The following CD300A variants were observed in gnomAD, a reference collection of about 807,000 sequenced individuals.
The protein encoded by CD300A is CD300a molecule.
CD300A carries 22 observed loss-of-function variants against 33.6 expected under a neutral mutation model. The ratio of observed to expected loss-of-function variants is 0.66; its 90% CI spans 0.47 to 0.94. CD300A has a LOEUF of 0.94. Among genes scored for constraint, CD300A ranks in the 40% least tolerant of loss-of-function variants. The pLI is 0.00. For missense variants in CD300A, 326 were observed against 360.5 expected (o/e 0.90, Z 0.77); for synonymous variants, 136 against 148.1 (o/e 0.92, Z 0.59).
At chr17:74,466,555 C>G, upstream of CD300A, 1 of 887,710 alleles carries the variant, frequency 1.1e-6, no homozygotes, top group East Asian at 2.7e-5. Context: ...TTCTGACCGG[C>G]TCCAGGAATA....
intron 5 of CD300A, 59 bp downstream of exon 5, chr17:74,481,385 T>C (rs1906835100): frequency 1.3e-6 from 2 of 1,524,310 alleles, no homozygotes; most frequent in African/African-American, 2.7e-5. Context: ...CAGAGGCTGC[T>C]GGGGAGTTGG....
intron 2 of CD300A, among the ~76,000 whole-genome samples, chr17:74,474,150 G>A (rs1360918428): frequency 6.6e-6 from 1 of 150,964 alleles, no homozygotes; most frequent in Non-Finnish European, 1.5e-5. Flanking sequence ...CAACGGAAGT[G>A]CAGCTGAGTG....
chr17:74,474,583 T>G lies in CD300A; in HGVS notation c.431T>G (p.Ile144Ser). 1.2e-6 allele frequency: 2 copies of G among 1,614,098 alleles called. No individual in the cohort carries two copies. Among genetic ancestry groups the G allele is most frequent in the Admixed American group, 3.3e-5 (2 of 60,018 alleles). Residue 144 changes from isoleucine (I) to serine (S), a missense_variant, in exon 3 of 7, where the codon ATC (isoleucine) becomes AGC (serine). Transcript: ENST00000360141. ...ASITAAKTST[I>S]TTAFPPVSST... ...ATCACTGCGGCCAAGACCTCAACAA[T>G]CACAACTGCATTTCCACCTGTATCA...
At chr17:74,481,157 CT>C (rs1906816196) in intron 4 of CD300A, 131 bp from the exon 5 acceptor site, 1 of 723,764 alleles carries the variant, frequency 1.4e-6, no homozygotes, top group Non-Finnish European at 2.4e-6. Flanking sequence ...TCCTACCATG[CT>C]TCAGGCCTGA....
chr17:74,474,494 G>A (rs759129792), intron 2 of CD300A, 38 bp from the exon 3 acceptor site: 6 of 1,607,234 alleles, frequency 3.7e-6, no homozygotes, highest in Non-Finnish European at 5.1e-6. Context: ...AGAGCCAGAG[G>A]ACAGCTCCCT....
chr17:74,482,701 T>TTGCTTGCTTG (rs1567985687), intron 6 of CD300A, among the ~76,000 whole-genome samples: 1 of 111,920 alleles, frequency 8.9e-6, no homozygotes, highest in African/African-American at 4.5e-5. Context: ...TTCCTTCCTT[T>TTGCTTGCTTG]CTTTCTTTCT....
intron 4 of CD300A, among the ~76,000 whole-genome samples, chr17:74,478,088 A>G (rs531822593): frequency 6.6e-6 from 1 of 152,190 alleles, no homozygotes; most frequent in Admixed American, 6.5e-5. Flanking sequence ...TCCTTTAATG[A>G]CAGCCTCAAC....
chr17:74,477,430 C>A lies in CD300A; in HGVS notation c.534-6C>A, dbSNP rs764491808. 3.1e-6 allele frequency: 5 copies of A among 1,612,442 alleles called. No individual in the cohort carries two copies. The Admixed American group carries it at 6.7e-5, about 22-fold the overall frequency. ...CCCCGCCCTTACCATCCTGTGCCTC[C>A]TCCAGGCTCCCGCTGCTCCTCTCCC... On this transcript the variant is annotated splice_region_variant and splice_polypyrimidine_tract_variant and intron_variant, in intron 3 of 6. Transcript: ENST00000360141.
chr17:74,469,010 G>T (rs1460365071), intron 1 of CD300A, among the ~76,000 whole-genome samples: 1 of 152,122 alleles, frequency 6.6e-6, no homozygotes, highest in East Asian at 1.9e-4. Flanking sequence ...TAGGAGATCT[G>T]GTCAGATGTT....
rs142615996 is a variant in CD300A, at chr17:74,473,654, A to G, written c.159A>G (p.Pro53=). 3.3e-4 allele frequency: 536 copies of G among 1,614,238 alleles called. 1 individual carries two copies. In the South Asian group the frequency reaches 5.4e-3, roughly 16 times the overall value. Residue 53 remains proline (P), a synonymous_variant, in exon 2 of 7, where the codon CCA becomes CCG. Transcript: ENST00000360141. ...RTLNKYWCRP[P]QIFLCDKIVE... ...TCAACAAATACTGGTGCAGACCACC[A>G]CAGATTTTCCTATGTGACAAGATTG...
At position 74,484,117 on chromosome 17, in the gene CD300A, G is replaced by A. The variant is rs772870301; in HGVS notation, c.891G>A (p.Arg297=). 6.2e-7 allele frequency: 1 copy of A among 1,613,738 alleles called. No homozygotes were observed. Among genetic ancestry groups the A allele is most frequent in the East Asian group, 2.2e-5 (1 of 44,868 alleles). The change falls in exon 7 of 7, where the codon AGG becomes AGA. Residue 297 remains arginine, a synonymous_variant. Transcript: ENST00000360141. ...EEPDSDYSVI[R]KT ...CAGATTCAGATTACAGTGTGATAAG[G>A]AAGACATAGGCTTTTGTCCTGCCTC... is the stretch of plus-strand genomic sequence containing the variant.
In CD300A at chr17:74,473,812, A is replaced by T; in HGVS notation, c.317A>T (p.Asp106Val). 1 of 1,614,170 alleles carries T rather than the reference A, an allele frequency of 6.2e-7. No individual in the cohort carries two copies. The highest frequency in any genetic ancestry group is 8.5e-7 in the Non-Finnish European group (1 of 1,180,000). ...EDAGTYWCGV[D>V]TPWLRDFHDP... is the part of the protein sequence containing the mutation. ...GCAGGCACCTACTGGTGTGGGGTGGATACACCATGGCTCCGAGACTTTCAT... is the reference window on the plus strand; with the variant it reads ...GCAGGCACCTACTGGTGTGGGGTGGTTACACCATGGCTCCGAGACTTTCAT... The change falls in exon 2 of 7, where the codon GAT (aspartate) becomes GTT (valine). Residue 106 changes from aspartate to valine, a missense_variant. Physicochemically the swap from Asp to Val is radical, Grantham distance 152. Coordinates refer to ENST00000360141, the MANE Select transcript of CD300A (RefSeq NM_007261.4).
chr17:74,474,403 C>T (rs2293192), intron 2 of CD300A, 129 bp from the exon 3 acceptor site: 203,317 of 896,700 alleles, frequency 0.23, 26,935 homozygotes, highest in Admixed American at 0.47. Flanking sequence ...GAGACTCTAG[C>T]CCCAGGGTCC....
Position 74,473,712 on chromosome 17 carries a change from G to A in CD300A, c.217G>A (p.Gly73Ser), listed in dbSNP as rs371212903. 19 of 1,614,222 alleles carry A rather than the reference G, an allele frequency of 1.2e-5. 1 individual carries two copies. Among genetic ancestry groups the A allele is most frequent in the South Asian group, 4.4e-5 (4 of 91,082 alleles). Residue 73 changes from glycine (G) to serine (S), a missense_variant, in exon 2 of 7, where the codon GGC becomes AGC. Gly to Ser is a moderately conservative substitution (Grantham distance 56, BLOSUM62 0). Coordinates refer to ENST00000360141, the MANE Select transcript of CD300A (RefSeq NM_007261.4). ...ETKGSAGKRN[G>S]RVSIRDSPAN... is the part of the protein sequence containing the mutation. ...CAAAGGGTCAGCAGGAAAAAGGAAC[G>A]GCCGAGTGTCCATCAGGGACAGTCC...
At chr17:74,469,552 C>T (rs537731040) in intron 1 of CD300A, among the ~76,000 whole-genome samples, 4 of 152,256 alleles carry the variant, frequency 2.6e-5, no homozygotes, top group East Asian at 1.9e-4. Flanking sequence ...AGGCCAGGCA[C>T]GTTGGCTCAC....
At position 74,477,521 on chromosome 17, in the gene CD300A, T is replaced by A. The variant is rs1906551531; in HGVS notation, c.619T>A (p.Trp207Arg). ...GCTAGCCTGGAGGATGTTTCAGAAA[T>A]GGATCAAAGGTGAGTTGGCTCCCCA... is the stretch of plus-strand genomic sequence containing the variant. Reference protein sequence around the residue: ...SLLAWRMFQKWIKAGDHSELS... With the variant: ...SLLAWRMFQKRIKAGDHSELS... The change falls in exon 4 of 7, where the codon TGG (tryptophan) becomes AGG (arginine). Residue 207 changes from tryptophan to arginine, a missense_variant. Trp to Arg is a moderately radical substitution (Grantham distance 101). Transcript: ENST00000360141. 1 of 1,612,786 alleles carries A rather than the reference T, an allele frequency of 6.2e-7. No homozygotes were observed. The highest frequency in any genetic ancestry group is 8.5e-7 in the Non-Finnish European group (1 of 1,179,662).
intron 2 of CD300A, among the ~76,000 whole-genome samples, chr17:74,474,238 G>A (rs567564889): frequency 3.3e-5 from 5 of 152,234 alleles, no homozygotes; most frequent in African/African-American, 1.2e-4. Flanking sequence ...CTTACCACAT[G>A]ACAGGTCAGA....
chr17:74,478,985 T>A (rs903080913), intron 4 of CD300A, among the ~76,000 whole-genome samples: 7 of 152,224 alleles, frequency 4.6e-5, no homozygotes, highest in African/African-American at 1.4e-4. Flanking sequence ...TCTGAGCCCC[T>A]TTCGGTTTCC....
At chr17:74,473,910 C>T in intron 2 of CD300A, 36 bp downstream of exon 2, 2 of 1,591,118 alleles carry the variant, frequency 1.3e-6, no homozygotes, top group East Asian at 2.2e-5. Flanking sequence ...TAAATAGGCT[C>T]AGGTTGGAAT....
Sources: allele counts gnomAD v4.1 joint callset (sites outside exome capture counted in the v4.1 genomes callset), GRCh38; gene constraint gnomAD v4.1.1; transcripts MANE v1.5; gene names NCBI Gene and HGNC (gene_info 2026-07-23, HGNC 2026-07-21).